Variants in LZTFL1 observed in about 807,000 individuals in gnomAD.
LZTFL1 encodes leucine zipper transcription factor-like protein 1.
In LZTFL1, 25 loss-of-function variants were observed where a neutral mutation model predicts 45.9. That is an observed-to-expected ratio of 0.54 (90% CI 0.40 to 0.76). LZTFL1 has a LOEUF of 0.76. LZTFL1 is among the 30% of genes least tolerant of loss of function. The pLI is 0.00. For missense variants in LZTFL1, 277 were observed against 331.1 expected (o/e 0.84, Z 1.27); for synonymous variants, 93 against 117.4 (o/e 0.79, Z 1.35).
intron 2 of LZTFL1, among the ~76,000 whole-genome samples, chr3:45,893,137 C>T (rs1283268144): frequency 6.6e-6 from 1 of 151,894 alleles, no homozygotes; most frequent in Non-Finnish European, 1.5e-5. Context: ...CCCACACTCC[C>T]CTTCCCTCTC....
rs570373566 is a variant in LZTFL1 at position 45,866,854 on chromosome 3, T to C, written c.-214-7838A>G. Among the ~76,000 whole-genome samples the C allele has an allele frequency of 1.2e-4, 19 of 152,282 alleles. No individual in the cohort carries two copies. In the South Asian group the frequency reaches 3.9e-3, roughly 32 times the overall value. On this transcript the variant is annotated intron_variant, in intron 2 of 4. Transcript: ENST00000472635. ...TGGTTTTACATTGTGTAGCTAAAAA[T>C]AAGATAGTTGCGGCCAGGTGAAGTG...
chr3:45,834,404 C>T, intron 3 of LZTFL1, 106 bp from the exon 4 acceptor site: 1 of 716,776 alleles, frequency 1.4e-6, no homozygotes, highest in Non-Finnish European at 2.3e-6. Flanking sequence ...CCAGAGAGAA[C>T]AGAGCAAGAT....
upstream of LZTFL1, among the ~76,000 whole-genome samples, chr3:45,844,295 T>C (rs531264803): frequency 7.5e-4 from 114 of 152,124 alleles, no homozygotes; most frequent in African/African-American, 2.6e-3. Context: ...GCCATGATAG[T>C]GAGTCTGAGG....
chr3:45,866,185 G>C (rs1701575297), intron 2 of LZTFL1, among the ~76,000 whole-genome samples: 1 of 152,184 alleles, frequency 6.6e-6, no homozygotes, highest in Admixed American at 6.5e-5. Context: ...CACTTTTGGG[G>C]TGATGGATAT....
intron 2 of LZTFL1, chr3:45,902,872 G>C (rs1020453818): frequency 1.2e-5 from 2 of 167,118 alleles, no homozygotes; most frequent in African/African-American, 4.8e-5. Flanking sequence ...GGGCAAAGGG[G>C]TGAAGCGCAG....
chr3:45,841,992 G>GGCGGCAGGCA lies in LZTFL1; in HGVS notation c.-11_-2dup, dbSNP rs746573724. On this transcript the variant is annotated 5_prime_UTR_variant, in exon 1 of 10. Coordinates refer to ENST00000296135, the MANE Select transcript of LZTFL1 (RefSeq NM_020347.4). ...CGCCTGAGGGTCGGTTACTCACCAT[G>GGCGGCAGGCA]GCGGCAGGCAGCGGCGGCAGCCTAA... 2.7e-5 allele frequency: 44 copies of GGCGGCAGGCA among 1,611,362 alleles called. 1 individual carries two copies. In the Middle Eastern group the frequency reaches 4.9e-4, roughly 18 times the overall value.
intron 4 of LZTFL1, 59 bp from the exon 5 acceptor site, chr3:45,833,180 T>C (rs1219415491): frequency 3.7e-5 from 43 of 1,164,894 alleles, no homozygotes; most frequent in African/African-American, 6.1e-5. Flanking sequence ...TGTATAATCA[T>C]TGAACACTTG....
intron 2 of LZTFL1, among the ~76,000 whole-genome samples, chr3:45,904,550 CAG>C (rs1702641494): frequency 6.6e-6 from 1 of 152,226 alleles, no homozygotes; most frequent in Admixed American, 6.5e-5. Flanking sequence ...GTAGTTGTTA[CAG>C]AGAGTCCTGA....
At chr3:45,902,077 C>A in intron 2 of LZTFL1, 1 of 604,284 alleles carries the variant, frequency 1.7e-6, no homozygotes, top group Non-Finnish European at 2.9e-6. Context: ...AATCAACTGA[C>A]TAGTGCAGGA....
intron 2 of LZTFL1, among the ~76,000 whole-genome samples, chr3:45,871,932 G>A (rs1487188731): frequency 6.6e-6 from 1 of 152,156 alleles, no homozygotes; most frequent in Non-Finnish European, 1.5e-5. Flanking sequence ...GGATTTGGCT[G>A]GTGTTTATCA....
intron 2 of LZTFL1, among the ~76,000 whole-genome samples, chr3:45,897,820 T>C (rs1323417930): frequency 6.6e-6 from 1 of 152,040 alleles, no homozygotes; most frequent in African/African-American, 2.4e-5. Context: ...TGCTCCTCGC[T>C]ACCTGGAGCT....
chr3:45,855,270 A>G (rs1038832620), intron 3 of LZTFL1, among the ~76,000 whole-genome samples: 2 of 152,348 alleles, frequency 1.3e-5, no homozygotes, highest in South Asian at 2.1e-4. Flanking sequence ...ATGCAAATCA[A>G]TAAGTGTAAT....
chr3:45,854,900 C>T (rs993708046), intron 4 of LZTFL1: 12 of 927,966 alleles, frequency 1.3e-5, no homozygotes, highest in Non-Finnish European at 1.5e-5. Context: ...TTGTCCCATT[C>T]ATCTAATCTG....
intron 1 of LZTFL1, among the ~76,000 whole-genome samples, chr3:45,913,757 C>T (rs1027514069): frequency 1.3e-5 from 2 of 151,994 alleles, no homozygotes; most frequent in African/African-American, 2.4e-5. Flanking sequence ...TTCTGTGTAC[C>T]GACCAGCTTA....
At position 45,906,820 on chromosome 3, in the gene LZTFL1, T is replaced by C. The variant is rs561388506; in HGVS notation, c.-215+6300A>G. Among the ~76,000 whole-genome samples the C allele has an allele frequency of 7.2e-5, 11 of 152,354 alleles. No individual in the cohort carries two copies. The South Asian group carries it at 2.3e-3, about 32-fold the overall frequency. ...AGGACCAAACACCTGGGCCTAGGCA[T>C]GTGTCTGAACCTTAGAATTCCTGCT... On this transcript the variant is annotated intron_variant, in intron 2 of 4. Coordinates refer to the LZTFL1 transcript ENST00000472635.
rs563323731 is a variant in LZTFL1 at position 45,888,410 on chromosome 3, C to A, written c.-215+24710G>T. On this transcript the variant is annotated intron_variant, in intron 2 of 4. Transcript: ENST00000472635. ...CCTACCACAACTCATAGCACTTTCC[C>A]TTTGTTGTTATTTGCAGCCATGACT... Among the ~76,000 whole-genome samples the A allele has an allele frequency of 4.6e-5, 7 of 152,352 alleles. No homozygotes were observed. In the South Asian group the frequency reaches 1.4e-3, roughly 32 times the overall value.
chr3:45,844,169 A>G (rs1701180955), upstream of LZTFL1, among the ~76,000 whole-genome samples: 1 of 152,226 alleles, frequency 6.6e-6, no homozygotes, highest in Non-Finnish European at 1.5e-5. Context: ...GGTGTTTGCA[A>G]CCTAGACTTG....
chr3:45,894,917 CA>C, intron 2 of LZTFL1: 1 of 1,613,820 alleles, frequency 6.2e-7, no homozygotes, highest in Non-Finnish European at 8.5e-7. Context: ...AGCAGGCTTG[CA>C]TCTGACTGAC....
At chr3:45,879,364 T>A (rs1038123039) in intron 2 of LZTFL1, among the ~76,000 whole-genome samples, 4 of 152,160 alleles carry the variant, frequency 2.6e-5, no homozygotes, top group African/African-American at 4.8e-5. Context: ...TGAAAAGACA[T>A]GGAGGAGCCT....
Sources: allele counts gnomAD v4.1 joint callset (sites outside exome capture counted in the v4.1 genomes callset), GRCh38; gene constraint gnomAD v4.1.1; transcripts MANE v1.5; gene names NCBI Gene and HGNC (gene_info 2026-07-23, HGNC 2026-07-21).